Variants in ARMC9 observed in about 807,000 individuals in gnomAD.
ARMC9 encodes the protein armadillo repeat containing 9.
A neutral mutation model predicts 107.0 loss-of-function variants in ARMC9; 94 were observed. The observed-to-expected ratio is 0.88, with a 90% CI of 0.74 to 1.04. ARMC9 has a LOEUF of 1.04. Among genes scored for constraint, ARMC9 ranks in the 50% least tolerant of loss-of-function variants. The probability of loss-of-function intolerance (pLI) is 0.00; values close to 1 mark genes in which losing one functional copy is unlikely to be tolerated. For synonymous variants in ARMC9, 380 were observed against 396.9 expected (o/e 0.96, Z 0.51); for missense variants, 942 against 1,030.1 (o/e 0.91, Z 1.17).
Position 231,198,703 on chromosome 2 carries a change from G to A in ARMC9, c.-42+5G>A, listed in dbSNP as rs2030136546. On this transcript the variant is annotated splice_donor_5th_base_variant and intron_variant, in intron 1 of 24. Coordinates refer to ENST00000611582, the MANE Select transcript of ARMC9 (RefSeq NM_001352754.2). ...GTGTCCGCGGCCGAGCAGCAGGTAAGCGCGTCCCCGGATGCAGCCGGGCCA... is the reference window on the plus strand; with the variant it reads ...GTGTCCGCGGCCGAGCAGCAGGTAAACGCGTCCCCGGATGCAGCCGGGCCA... 1 of 152,244 alleles carries A rather than the reference G, an allele frequency of 6.6e-6. No individual in the cohort carries two copies. Among genetic ancestry groups the A allele is most frequent in the African/African-American group, 2.4e-5 (1 of 41,458 alleles). The allele number at this position is 152,244 out of a possible 1,614,324, so 9.4% of individuals were successfully genotyped here. A position where few individuals can be genotyped will look rare whatever the true frequency, so the allele number is the denominator to read the frequency against.
intron 23 of ARMC9, among the ~76,000 whole-genome samples, chr2:231,368,401 G>A (rs1010943614): frequency 1.3e-5 from 2 of 152,060 alleles, no homozygotes; most frequent in Non-Finnish European, 2.9e-5. Flanking sequence ...AAGAAAAGGA[G>A]AACATCCATT....
chr2:231,355,155 A>G (rs564527239), intron 21 of ARMC9, among the ~76,000 whole-genome samples: 1 of 152,354 alleles, frequency 6.6e-6, no homozygotes, highest in Non-Finnish European at 1.5e-5. Context: ...TCCTAGCAAC[A>G]TGGAGAGACC....
intron 19 of ARMC9, among the ~76,000 whole-genome samples, chr2:231,321,508 T>C (rs147037737): frequency 9.6e-4 from 146 of 152,338 alleles, no homozygotes; most frequent in Middle Eastern, 6.8e-3. Flanking sequence ...TATTGAATAA[T>C]AGTTTTTTTT....
intron 14 of ARMC9, among the ~76,000 whole-genome samples, chr2:231,276,264 ACTGTTT>A (rs1040571771): frequency 1.7e-4 from 25 of 149,542 alleles, no homozygotes; most frequent in African/African-American, 5.9e-4. Context: ...CATTCACATT[ACTGTTT>A]CTTCTTTTTT....
chr2:231,371,445 G>A, intron 24 of ARMC9, 68 bp from the exon 25 acceptor site: 1 of 1,338,778 alleles, frequency 7.5e-7, no homozygotes, highest in Non-Finnish European at 9.6e-7. Flanking sequence ...GAGGGACTGA[G>A]TGGGACAGAG....
chr2:231,272,947 A>G lies in ARMC9; in HGVS notation c.1211-8A>G. On this transcript the variant is annotated splice_polypyrimidine_tract_variant and splice_region_variant and intron_variant, in intron 13 of 24. Coordinates refer to ENST00000611582, the MANE Select transcript of ARMC9 (RefSeq NM_001352754.2). Reference sequence around the variant, plus strand: ...CTTTCACCTGTTTCATCTCTGGTGTATTATCAGGTCGCCTCTACCTTGCCC... The same window carrying G: ...CTTTCACCTGTTTCATCTCTGGTGTGTTATCAGGTCGCCTCTACCTTGCCC... 1 of 1,611,468 alleles carries G rather than the reference A, an allele frequency of 6.2e-7. No individual in the cohort carries two copies. The highest frequency in any genetic ancestry group is 8.5e-7 in the Non-Finnish European group (1 of 1,179,224).
intron 18 of ARMC9, among the ~76,000 whole-genome samples, chr2:231,292,100 G>A (rs1253130140): frequency 6.7e-5 from 10 of 150,330 alleles, no homozygotes; most frequent in African/African-American, 9.8e-5. Flanking sequence ...CCTGGGAGGC[G>A]GAGGTTGTAG....
chr2:231,210,923 C>T (rs1381871343), intron 3 of ARMC9, among the ~76,000 whole-genome samples: 2 of 152,182 alleles, frequency 1.3e-5, no homozygotes, highest in Non-Finnish European at 2.9e-5. Flanking sequence ...TATCCTCCCC[C>T]TAGGCCTTGG....
Position 231,358,269 on chromosome 2 carries a change from C to G in ARMC9, c.2131+2335C>G, listed in dbSNP as rs563863852. On this transcript the variant is annotated intron_variant, in intron 22 of 24. Transcript: ENST00000611582. The surrounding 1 kb of genome is among the most constrained non-coding windows in gnomAD (Gnocchi z 4.5). ...GGGCACCCCTGAGCCATGTTGCCTT[C>G]TGCTTCATTCCTTCCCTGCTCAGGA... Among the ~76,000 whole-genome samples the G allele has an allele frequency of 5.9e-5, 9 of 152,324 alleles. No homozygotes were observed. In the South Asian group the frequency reaches 1.7e-3, roughly 28 times the overall value.
At chr2:231,227,821 C>G (rs1244861524) in intron 7 of ARMC9, among the ~76,000 whole-genome samples, 2 of 152,202 alleles carry the variant, frequency 1.3e-5, no homozygotes, top group Non-Finnish European at 2.9e-5. Context: ...TAGCCTCAAG[C>G]ATCCCCAGCT....
chr2:231,232,960 C>T (rs1374323194), intron 7 of ARMC9, among the ~76,000 whole-genome samples: 1 of 152,130 alleles, frequency 6.6e-6, no homozygotes, highest in Non-Finnish European at 1.5e-5. Context: ...AAGCGATTCT[C>T]CTGCCTCAGC....
intron 16 of ARMC9, among the ~76,000 whole-genome samples, chr2:231,280,809 A>G (rs993428011): frequency 3.3e-5 from 5 of 152,258 alleles, no homozygotes; most frequent in African/African-American, 1.2e-4. Context: ...ATCGAAAAGA[A>G]GGATAAAGGA....
chr2:231,298,119 T>A (rs1033414236), intron 19 of ARMC9, among the ~76,000 whole-genome samples: 1 of 152,212 alleles, frequency 6.6e-6, no homozygotes, highest in Admixed American at 6.5e-5. Flanking sequence ...TTTAAGAGGT[T>A]GATGTTTGAA....
intron 20 of ARMC9, among the ~76,000 whole-genome samples, chr2:231,337,291 T>TATATATATATATATA (rs1491529948): frequency 5.8e-5 from 2 of 34,608 alleles, no homozygotes; most frequent in African/African-American, 2.2e-4. Flanking sequence ...TATATATATA[T>TATATATATATATATA]TTTTTTTTTT....
intron 23 of ARMC9, among the ~76,000 whole-genome samples, chr2:231,361,811 C>A (rs558313638): frequency 1.3e-5 from 2 of 152,216 alleles, no homozygotes; most frequent in South Asian, 4.2e-4. Context: ...CCGGAGAGGA[C>A]AGGCAGGAAG....
chr2:231,239,513 C>T (rs968798291), intron 8 of ARMC9, among the ~76,000 whole-genome samples: 26 of 152,282 alleles, frequency 1.7e-4, no homozygotes, highest in East Asian at 5.8e-4. Context: ...GTGTGGAAAG[C>T]GAGAGGCAGA....
In ARMC9 at chr2:231,358,859, C is replaced by G. The variant is rs969131372; in HGVS notation, c.2132-1895C>G. 6.6e-6 allele frequency among the ~76,000 whole-genome samples: 1 copy of G among 152,174 alleles called. No individual in the cohort carries two copies. The highest frequency in any genetic ancestry group is 2.4e-5 in the African/African-American group (1 of 41,438). ...TAATATGGCTTAGCATTTTGCAGAA[C>G]GTTGGCCTAAGGAAAGCTATTCTCA... On this transcript the variant is annotated intron_variant, in intron 22 of 24. Coordinates refer to ENST00000611582, the MANE Select transcript of ARMC9 (RefSeq NM_001352754.2). The surrounding 1 kb of genome is among the most constrained non-coding windows in gnomAD (Gnocchi z 4.5).
chr2:231,311,340 G>T (rs2042334989), intron 19 of ARMC9, among the ~76,000 whole-genome samples: 2 of 151,982 alleles, frequency 1.3e-5, no homozygotes, highest in Non-Finnish European at 2.9e-5. Context: ...CTGTGTTAGT[G>T]AATTGTAAGT....
At chr2:231,207,348 TG>T (rs1378517697) in intron 2 of ARMC9, among the ~76,000 whole-genome samples, 1 of 152,206 alleles carries the variant, frequency 6.6e-6, no homozygotes, top group African/African-American at 2.4e-5. Context: ...TTATTTGAGA[TG>T]GGGTCTCGCT....
Sources: allele counts gnomAD v4.1 joint callset (sites outside exome capture counted in the v4.1 genomes callset), GRCh38; gene constraint gnomAD v4.1.1; non-coding constraint Gnocchi (gnomAD v3.1); transcripts MANE v1.5; gene names NCBI Gene and HGNC (gene_info 2026-07-23, HGNC 2026-07-21).